The following KDM1B variants were observed in gnomAD, a reference collection of about 807,000 sequenced individuals.
KDM1B encodes the protein lysine demethylase 1B.
In KDM1B, 63 loss-of-function variants were observed where a neutral mutation model predicts 107.4. That is an observed-to-expected ratio of 0.59 (90% CI 0.48 to 0.72). The LOEUF (loss-of-function observed/expected upper bound fraction) is 0.72. Ranked by LOEUF, KDM1B falls within the 30% of genes least tolerant of loss-of-function variation. KDM1B has a pLI of 0.00. For missense variants in KDM1B, 749 were observed against 1,020.8 expected, an observed-to-expected ratio of 0.73 and a Z score of 3.63; for synonymous variants, 363 against 363.9, an observed-to-expected ratio of 1.00 and a Z score of 0.03.
In KDM1B at chr6:18,218,996, G is replaced by A. The variant is rs541409785; in HGVS notation, c.2385+1111G>A. ...CAGCTCACTGCAAGCTCTGCCTCCTGGGTTCACACCATTCTCCTGCCTCAG... is the reference window on the plus strand; with the variant it reads ...CAGCTCACTGCAAGCTCTGCCTCCTAGGTTCACACCATTCTCCTGCCTCAG... On this transcript the variant is annotated intron_variant, in intron 21 of 21. Coordinates refer to ENST00000650836, the MANE Select transcript of KDM1B (RefSeq NM_001364614.2). Among the ~76,000 whole-genome samples, 15 of 152,158 alleles carry A rather than the reference G, an allele frequency of 9.9e-5. 1 individual carries two copies. In the East Asian group the frequency reaches 2.7e-3, roughly 27 times the overall value.
chr6:18,198,685 A>ACAT (rs1420581646), intron 12 of KDM1B, among the ~76,000 whole-genome samples: 2 of 150,656 alleles, frequency 1.3e-5, no homozygotes, highest in African/African-American at 4.9e-5. Flanking sequence ...CTCATTTCAG[A>ACAT]CATGACCCAC....
At chr6:18,194,735 G>GTGAT (rs1379879278) in intron 10 of KDM1B, among the ~76,000 whole-genome samples, 17 of 151,820 alleles carry the variant, frequency 1.1e-4, no homozygotes, top group Middle Eastern at 3.4e-3. Flanking sequence ...TTGGGCTCAA[G>GTGAT]TGATTGCTCC....
intron 7 of KDM1B, among the ~76,000 whole-genome samples, chr6:18,178,675 G>A (rs953527472): frequency 1.3e-5 from 2 of 152,180 alleles, no homozygotes; most frequent in African/African-American, 4.8e-5. Context: ...ATAGGTGTGA[G>A]CCACTGCACC....
chr6:18,191,030 T>C lies in KDM1B; in HGVS notation c.785-167T>C, dbSNP rs184482984. On this transcript the variant is annotated intron_variant, in intron 9 of 21. Transcript: ENST00000650836. This position sits in a 1 kb window ranked among gnomAD's most constrained non-coding sequence, Gnocchi z 5.1. ...CATGAAGAAAGAATGAGAAAAATAC[T>C]TAATTTATGTACGTTTTGTCTAACT... 5.3e-5 allele frequency among the ~76,000 whole-genome samples: 8 copies of C among 152,308 alleles called. No homozygotes were observed. The highest frequency in any genetic ancestry group is 1.9e-4 in the African/African-American group (8 of 41,566).
chr6:18,186,142 G>GTCC lies in KDM1B; in HGVS notation c.573+337_573+339dup, dbSNP rs1441453280. Among the ~76,000 whole-genome samples the GTCC allele has an allele frequency of 6.6e-6, 1 of 152,130 alleles. No individual in the cohort carries two copies. The highest frequency in any genetic ancestry group is 1.9e-4 in the East Asian group (1 of 5,194). Reference sequence around the variant, plus strand: ...ACTTTGTGACCTTTTCTCCACTTGAGTCCTCCTAAGAAAAGCACAAGAGGG... The same window carrying GTCC: ...ACTTTGTGACCTTTTCTCCACTTGAGTCCTCCTCCTAAGAAAAGCACAAGAGGG... On this transcript the variant is annotated intron_variant, in intron 8 of 21. Coordinates refer to ENST00000650836, the MANE Select transcript of KDM1B (RefSeq NM_001364614.2). The surrounding 1 kb of genome is among the most constrained non-coding windows in gnomAD (Gnocchi z 5.6).
chr6:18,171,632 A>G (rs1478119753), intron 7 of KDM1B, among the ~76,000 whole-genome samples, 153 bp downstream of exon 7: 4 of 152,216 alleles, frequency 2.6e-5, no homozygotes, highest in Admixed American at 6.5e-5. Flanking sequence ...GGCTTAACCA[A>G]TTAAGGATTT....
Position 18,191,004 on chromosome 6 carries a change from G to T in KDM1B, c.785-193G>T, listed in dbSNP as rs1415708620. ...GCTATGGAAATTAAAGTTGAGAATA[G>T]CATGAAGAAAGAATGAGAAAAATAC... On this transcript the variant is annotated intron_variant, in intron 9 of 21. Coordinates refer to ENST00000650836, the MANE Select transcript of KDM1B (RefSeq NM_001364614.2). The surrounding 1 kb of genome is among the most constrained non-coding windows in gnomAD (Gnocchi z 5.1). Among the ~76,000 whole-genome samples, 1 of 152,106 alleles carries T rather than the reference G, an allele frequency of 6.6e-6. No individual in the cohort carries two copies. Among genetic ancestry groups the T allele is most frequent in the Non-Finnish European group, 1.5e-5 (1 of 68,032 alleles).
At chr6:18,179,752 AGT>A (rs1182684832) in intron 7 of KDM1B, among the ~76,000 whole-genome samples, 6 of 146,594 alleles carry the variant, frequency 4.1e-5, no homozygotes, top group Non-Finnish European at 7.5e-5. Context: ...GTGATTTGAG[AGT>A]GAGGGAGGGG....
Position 18,197,925 on chromosome 6 carries a change from C to CT in KDM1B, c.1221+282dup, listed in dbSNP as rs1039217550. On this transcript the variant is annotated intron_variant, in intron 12 of 21. Transcript: ENST00000650836. This position sits in a 1 kb window ranked among gnomAD's most constrained non-coding sequence, Gnocchi z 4.5. The stretch of plus-strand genomic sequence containing the variant: ...CTAACTTGGCATTAAAGTAGAAATT[C>CT]TTTTTTTTTTTTTTTTTTGAGACAG... Among the ~76,000 whole-genome samples the CT allele has an allele frequency of 0.16, 20,315 of 129,942 alleles. 2,278 individuals carry two copies. Among genetic ancestry groups the CT allele is most frequent in the African/African-American group, 0.29 (9,867 of 34,216 alleles). 85.2% of individuals were successfully genotyped at this position (129,942 alleles called of 152,430 possible).
At position 18,164,131 on chromosome 6, in the gene KDM1B, T is replaced by C. The variant is rs114209334; in HGVS notation, c.305+1207T>C. 5.5e-3 allele frequency among the ~76,000 whole-genome samples: 845 copies of C among 152,264 alleles called. 7 individuals are homozygous for C. The highest frequency in any genetic ancestry group is 0.019 in the African/African-American group (796 of 41,550). ...TTCAGTTCTATATATTTTTACCTCA[T>C]GTATTTTTTTTCTTGAGATGGAGTC... On this transcript the variant is annotated intron_variant, in intron 5 of 21. Coordinates refer to ENST00000650836, the MANE Select transcript of KDM1B (RefSeq NM_001364614.2).
At chr6:18,181,790 T>TA (rs1312770472) in intron 7 of KDM1B, among the ~76,000 whole-genome samples, 3 of 151,688 alleles carry the variant, frequency 2.0e-5, no homozygotes, top group Non-Finnish European at 4.4e-5. Flanking sequence ...CTTGAAAAAA[T>TA]AAAAAAAACA....
At chr6:18,170,293 A>C (rs7744164) in intron 6 of KDM1B, among the ~76,000 whole-genome samples, 2 of 152,092 alleles carry the variant, frequency 1.3e-5, no homozygotes, top group East Asian at 1.9e-4. Context: ...GTCATCTTAC[A>C]TACCATGATT....
chr6:18,191,223 C>G lies in KDM1B; in HGVS notation c.811C>G (p.Pro271Ala). The change falls in exon 10 of 22, where the codon CCT becomes GCT. Residue 271 changes from proline to alanine, a missense_variant. Transcript: ENST00000650836. This position sits in a 1 kb window ranked among gnomAD's most constrained non-coding sequence, Gnocchi z 5.1. ...HVPGMNRYFQ[P>A]FYQPNECGKA... ...TCCAGGCATGAACCGATACTTCCAG[C>G]CTTTCTACCAGCCCAATGAGTGTGG... The G allele has an allele frequency of 6.4e-7, 1 of 1,550,564 alleles. No homozygotes were observed. The highest frequency in any genetic ancestry group is 8.7e-7 in the Non-Finnish European group (1 of 1,147,002).
intron 7 of KDM1B, among the ~76,000 whole-genome samples, chr6:18,173,074 G>C (rs1369368201): frequency 7.1e-6 from 1 of 139,972 alleles, no homozygotes; most frequent in African/African-American, 2.7e-5. Context: ...TGGGCAACAA[G>C]AGTGAAACTC....
intron 7 of KDM1B, among the ~76,000 whole-genome samples, chr6:18,173,997 GCTGGTCTCGGACT>G: frequency 6.6e-6 from 1 of 152,256 alleles, no homozygotes; most frequent in Non-Finnish European, 1.5e-5. Context: ...TGTTGGCCAG[GCTGGTCTCGGACT>G]CCTGACCTCG....
chr6:18,195,680 A>C (rs1282352728), intron 10 of KDM1B, among the ~76,000 whole-genome samples: 2 of 148,240 alleles, frequency 1.3e-5, no homozygotes, highest in Non-Finnish European at 3.0e-5. Context: ...GGTTGCAGTG[A>C]GCCGAGATTG....
intron 15 of KDM1B, among the ~76,000 whole-genome samples, chr6:18,206,351 A>AACATGG (rs1788372087): frequency 2.0e-5 from 3 of 151,830 alleles, no homozygotes; most frequent in African/African-American, 7.3e-5. Flanking sequence ...TCCTGTCTCT[A>AACATGG]CAAAACATAC....
chr6:18,176,742 T>A (rs1786038467), intron 7 of KDM1B, among the ~76,000 whole-genome samples: 1 of 152,230 alleles, frequency 6.6e-6, no homozygotes, highest in Non-Finnish European at 1.5e-5. Context: ...ATTCTGTTTA[T>A]GTGGTATATC....
At chr6:18,210,356 T>C (rs1468591965) in intron 17 of KDM1B, among the ~76,000 whole-genome samples, 1 of 52,268 alleles carries the variant, frequency 1.9e-5, no homozygotes, top group Non-Finnish European at 3.8e-5. Flanking sequence ...TTTTTTTTTT[T>C]TTTTTTTTTT....
Sources: gnomAD v4.1 joint callset for allele counts (sites outside exome capture counted in the v4.1 genomes callset) on GRCh38, gnomAD v4.1.1 for gene constraint, Gnocchi (gnomAD v3.1) non-coding constraint, MANE v1.5 for transcripts, NCBI Gene and HGNC (gene_info 2026-07-23, HGNC 2026-07-21) for gene names.